Variants in KIF21A observed in about 807,000 individuals in gnomAD.
KIF21A encodes kinesin-like protein KIF21A.
In KIF21A, 114 loss-of-function variants were observed where a neutral mutation model predicts 202.9. That is an observed-to-expected ratio of 0.56 (90% confidence interval 0.48 to 0.66). The LOEUF is 0.66. Among genes scored for constraint, KIF21A ranks in the 30% least tolerant of loss-of-function variants. The pLI, the probability that KIF21A is intolerant of heterozygous loss-of-function variation, is 0.00. For missense variants in KIF21A, 1,677 were observed against 1,994.9 expected, an observed-to-expected ratio of 0.84 and a Z score of 3.04; for synonymous variants, 667 against 670.8, an observed-to-expected ratio of 0.99 and a Z score of 0.09.
chr12:39,368,538 C>T (rs1233678212), intron 3 of KIF21A, among the ~76,000 whole-genome samples: 2 of 152,078 alleles, frequency 1.3e-5, no homozygotes, highest in Non-Finnish European at 2.9e-5. Flanking sequence ...CAGATACCTC[C>T]TTAGAAGAGA....
At position 39,363,142 on chromosome 12, in the gene KIF21A, A is replaced by G. The variant is rs143790968; in HGVS notation, c.975T>C (p.Asp325=). ...SKRATHVPYR[D]SKLTRLLQDS... Reference sequence around the variant, plus strand: ...CCTGTAGTAGTCTTGTTAGCTTGGAATCTCTATAGGGGACATGTGTGGCCC... The same window carrying G: ...CCTGTAGTAGTCTTGTTAGCTTGGAGTCTCTATAGGGGACATGTGTGGCCC... Residue 325 remains aspartate, a synonymous_variant, in exon 7 of 38, where the codon GAT becomes GAC. Transcript: ENST00000361418. 6.4e-4 allele frequency: 1,029 copies of G among 1,613,278 alleles called. 8 individuals carry two copies. The East Asian group carries it at 0.013, about 21-fold the overall frequency.
chr12:39,424,842 TTA>T (rs1175615343), intron 1 of KIF21A, among the ~76,000 whole-genome samples: 2 of 152,148 alleles, frequency 1.3e-5, no homozygotes, highest in Non-Finnish European at 2.9e-5. Context: ...GCAACAAGAG[TTA>T]TCTTTCTGAA....
At chr12:39,399,408 A>G (rs1951999306) in intron 1 of KIF21A, among the ~76,000 whole-genome samples, 1 of 152,174 alleles carries the variant, frequency 6.6e-6, no homozygotes, top group African/African-American at 2.4e-5. Flanking sequence ...ACCTTGGGAC[A>G]TTTGTAGTTA....
At chr12:39,416,663 A>ATATATGTACATATATGTGTGTG (rs1566265824) in intron 1 of KIF21A, among the ~76,000 whole-genome samples, 2 of 133,500 alleles carry the variant, frequency 1.5e-5, no homozygotes, top group African/African-American at 6.5e-5. Context: ...ATATGTGTAT[A>ATATATGTACATATATGTGTGTG]TATATATGTA....
chr12:39,305,818 T>A (rs1943416188), intron 34 of KIF21A, among the ~76,000 whole-genome samples: 1 of 152,240 alleles, frequency 6.6e-6, no homozygotes, highest in Non-Finnish European at 1.5e-5. Flanking sequence ...ATATCACTGA[T>A]GTAATTACAA....
At position 39,304,866 on chromosome 12, in the gene KIF21A, A is replaced by C. The variant is rs62000373; in HGVS notation, c.4515T>G (p.Ser1505Arg). Residue 1505 changes from serine to arginine, a missense_variant, in exon 35 of 38, where the codon AGT becomes AGG. Ser to Arg is a moderately radical substitution (Grantham distance 110). This residue lies in a region of KIF21A where 705 missense variants were observed against 791.9 expected (regional missense o/e 0.89). Transcript: ENST00000361418. ...VMCLTVDQIS[S>R]GQDLIITGSK... ...AGCCAGTGATGATTAGATCTTGTCC[A>C]CTGGAAATCTGATCCACAGTAAGGC... 247 of 1,608,448 alleles carry C rather than the reference A, an allele frequency of 1.5e-4. 1 individual carries two copies. In the African/African-American group the frequency reaches 3.1e-3, roughly 20 times the overall value.
chr12:39,402,925 T>C (rs1176761713), intron 1 of KIF21A, among the ~76,000 whole-genome samples: 4 of 152,162 alleles, frequency 2.6e-5, no homozygotes, highest in African/African-American at 9.7e-5. Flanking sequence ...AAATATGTCA[T>C]AACACATTGC....
Position 39,302,245 on chromosome 12 carries a change from ATGTT to A in KIF21A, c.4732-570_4732-567del, listed in dbSNP as rs555397540. On this transcript the variant is annotated intron_variant, in intron 36 of 37. Coordinates refer to ENST00000361418, the MANE Select transcript of KIF21A (RefSeq NM_001173464.2). ...AATATAAAATTATAATCATGAATGT[ATGTT>A]TATTTTTAAAAAGCTTTTGAATGCA... is the stretch of plus-strand genomic sequence containing the variant. Among the ~76,000 whole-genome samples the A allele has an allele frequency of 2.8e-3, 422 of 152,316 alleles. 1 individual carries two copies. Among genetic ancestry groups the A allele is most frequent in the South Asian group, 0.012 (57 of 4,822 alleles).
intron 3 of KIF21A, 89 bp from the exon 4 acceptor site, chr12:39,368,121 A>T: frequency 1.3e-6 from 1 of 783,382 alleles, no homozygotes. Flanking sequence ...TCCTTCATAC[A>T]GATTTTTAAA....
At chr12:39,340,109 C>T in intron 16 of KIF21A, 56 bp downstream of exon 16, 1 of 1,374,962 alleles carries the variant, frequency 7.3e-7, no homozygotes, top group Non-Finnish European at 1.0e-6. Flanking sequence ...ATTTTTTGTC[C>T]CAAATGACAA....
intron 26 of KIF21A, among the ~76,000 whole-genome samples, chr12:39,324,392 A>C (rs753431502): frequency 6.6e-6 from 1 of 152,220 alleles, no homozygotes; most frequent in Non-Finnish European, 1.5e-5. Flanking sequence ...AGAGCCTGAA[A>C]GATCAAATTT....
chr12:39,405,510 T>C (rs1952511077), intron 1 of KIF21A, among the ~76,000 whole-genome samples: 1 of 152,180 alleles, frequency 6.6e-6, no homozygotes, highest in Non-Finnish European at 1.5e-5. Context: ...AAAAATTTTG[T>C]TTATGTAAAA....
intron 37 of KIF21A, among the ~76,000 whole-genome samples, chr12:39,295,682 C>A (rs1942237575): frequency 7.0e-6 from 1 of 143,710 alleles, no homozygotes; most frequent in African/African-American, 2.6e-5. Context: ...GCCAAGCATG[C>A]TTGGGATATG....
intron 12 of KIF21A, among the ~76,000 whole-genome samples, chr12:39,342,551 C>A (rs139484855): frequency 6.6e-6 from 1 of 152,222 alleles, no homozygotes; most frequent in Non-Finnish European, 1.5e-5. Flanking sequence ...CACTGATGTC[C>A]TAATACATTT....
At chr12:39,381,342 A>T (rs1356066643) in intron 1 of KIF21A, among the ~76,000 whole-genome samples, 1 of 151,374 alleles carries the variant, frequency 6.6e-6, no homozygotes, top group Non-Finnish European at 1.5e-5. Context: ...CATTATGGGG[A>T]AAGCTAGCAT....
chr12:39,327,182 T>C (rs1946034583), intron 24 of KIF21A, among the ~76,000 whole-genome samples: 2 of 152,182 alleles, frequency 1.3e-5, no homozygotes. Flanking sequence ...TATATAGGGT[T>C]CATCCCCTTT....
chr12:39,419,311 C>T (rs1954045645), intron 1 of KIF21A, among the ~76,000 whole-genome samples: 1 of 152,082 alleles, frequency 6.6e-6, no homozygotes, highest in Non-Finnish European at 1.5e-5. Flanking sequence ...AAAGATGATG[C>T]CAAGAGAAAG....
rs1942032597 is a variant in KIF21A at position 39,293,523 on chromosome 12, T to C, written c.*901A>G. On this transcript the variant is annotated 3_prime_UTR_variant, in exon 38 of 38. Transcript: ENST00000361418. Reference sequence around the variant, plus strand: ...CCACCACAGATGATAATAGCTCTCATCATAGCTACCAAGGTTCGCAAACAT... The same window carrying C: ...CCACCACAGATGATAATAGCTCTCACCATAGCTACCAAGGTTCGCAAACAT... 6.6e-6 allele frequency: 1 copy of C among 152,594 alleles called. No homozygotes were observed. Among genetic ancestry groups the C allele is most frequent in the African/African-American group, 2.4e-5 (1 of 41,440 alleles). 9.5% of individuals were successfully genotyped at this position (152,594 alleles called of 1,614,324 possible). A position where few individuals can be genotyped will look rare whatever the true frequency, so the allele number is the denominator to read the frequency against.
chr12:39,412,206 T>C (rs190284363), intron 1 of KIF21A, among the ~76,000 whole-genome samples: 1 of 152,276 alleles, frequency 6.6e-6, no homozygotes, highest in African/African-American at 2.4e-5. Context: ...AAATGTATAT[T>C]CTCAATAAGT....
Sources: allele counts gnomAD v4.1 joint callset (sites outside exome capture counted in the v4.1 genomes callset), GRCh38; gene constraint gnomAD v4.1.1; regional missense constraint gnomAD v4.1.1; transcripts MANE v1.5; gene names NCBI Gene and HGNC (gene_info 2026-07-23, HGNC 2026-07-21).